The following MRC2 variants were observed in gnomAD, a reference collection of about 807,000 sequenced individuals.
MRC2 encodes mannose receptor C-type 2, also known as C-type mannose receptor 2.
In MRC2, 84 loss-of-function variants were observed where a neutral mutation model predicts 206.2. The ratio of observed to expected loss-of-function variants is 0.41; its 90% CI spans 0.34 to 0.49. The LOEUF is 0.49. Among genes scored for constraint, MRC2 ranks in the 20% least tolerant of loss-of-function variants. The pLI, the probability that MRC2 is intolerant of heterozygous loss-of-function variation, is 0.31. For missense variants in MRC2, 1,676 were observed against 2,001.5 expected, an observed-to-expected ratio of 0.84 and a Z score of 3.10; for synonymous variants, 798 against 800.0, an observed-to-expected ratio of 1.00 and a Z score of 0.04.
intron 1 of MRC2, among the ~76,000 whole-genome samples, chr17:62,639,808 C>T (rs1196898721): frequency 6.6e-6 from 1 of 151,952 alleles, no homozygotes; most frequent in Non-Finnish European, 1.5e-5. Flanking sequence ...AATTGGAAAC[C>T]ACATGATGGA....
Position 62,667,405 on chromosome 17 carries a change from CCA to C in MRC2, c.990_991del (p.Ser331Ter). ...CTCCCCACAGACCAGCCGGACAACC[CCA>C]GTGAGGAGAACTGTGGAGTGATCCG... On this transcript the variant is annotated frameshift_variant, in exon 6 of 30. Coordinates refer to ENST00000303375, the MANE Select transcript of MRC2 (RefSeq NM_006039.5). LOFTEE classifies it high-confidence loss of function. The surrounding 1 kb of genome is among the most constrained non-coding windows in gnomAD (Gnocchi z 4.1). The C allele has an allele frequency of 6.2e-7, 1 of 1,605,016 alleles. No individual in the cohort carries two copies. The highest frequency in any genetic ancestry group is 8.5e-7 in the Non-Finnish European group (1 of 1,177,076).
At chr17:62,668,193 C>A (rs1248726395) in intron 6 of MRC2, among the ~76,000 whole-genome samples, 1 of 151,620 alleles carries the variant, frequency 6.6e-6, no homozygotes, top group Non-Finnish European at 1.5e-5. Flanking sequence ...CCTGTCTCTG[C>A]AAAATATTTT....
chr17:62,648,729 T>C (rs2088520438), intron 1 of MRC2, among the ~76,000 whole-genome samples: 1 of 152,110 alleles, frequency 6.6e-6, no homozygotes, highest in East Asian at 1.9e-4. Context: ...GGACTTTGCA[T>C]CTGGACCGTG....
rs374193002 is a variant in MRC2, at chr17:62,689,538, G to A, written c.3351G>A (p.Pro1117=). 117 of 1,580,422 alleles carry A rather than the reference G, an allele frequency of 7.4e-5. 2 individuals are homozygous for A. The African/African-American group carries it at 1.2e-3, about 16-fold the overall frequency. The part of the protein sequence containing the change: ...CQKGTDPSLS[P]SPAALPPAPG... ...TCCCTGTAGACCCCTCCCTGAGCCC[G>A]TCCCCAGCAGCGCTGCCCCCCGCCC... Residue 1117 remains proline (P), a synonymous_variant, in exon 24 of 30, where the codon CCG becomes CCA. Coordinates refer to ENST00000303375, the MANE Select transcript of MRC2 (RefSeq NM_006039.5).
chr17:62,634,274 A>T (rs910159727), intron 1 of MRC2, among the ~76,000 whole-genome samples: 1 of 152,104 alleles, frequency 6.6e-6, no homozygotes, highest in Admixed American at 6.6e-5. Flanking sequence ...ATTAGTGTAT[A>T]AAAAAATGGG....
At position 62,680,339 on chromosome 17, in the gene MRC2, A is replaced by G. The variant is rs1045799486; in HGVS notation, c.2437+31A>G. Reference sequence around the variant, plus strand: ...CCGGAGTGGCGCTGGGGGACGCGGGATGGAGCGAAGGGTGGCGGGGCCAGG... The same window carrying G: ...CCGGAGTGGCGCTGGGGGACGCGGGGTGGAGCGAAGGGTGGCGGGGCCAGG... On this transcript the variant is annotated intron_variant, in intron 15 of 29. Coordinates refer to ENST00000303375, the MANE Select transcript of MRC2 (RefSeq NM_006039.5). This position sits in a 1 kb window ranked among gnomAD's most constrained non-coding sequence, Gnocchi z 4.8. 7 of 1,613,240 alleles carry G rather than the reference A, an allele frequency of 4.3e-6. No homozygotes were observed. The highest frequency in any genetic ancestry group is 1.7e-5 in the Admixed American group (1 of 59,986).
intron 2 of MRC2, among the ~76,000 whole-genome samples, chr17:62,665,414 A>AC (rs2088739541): frequency 9.4e-6 from 1 of 106,044 alleles, no homozygotes; most frequent in African/African-American, 5.8e-5. Context: ...CCCCCCCCAC[A>AC]AAAAAAAAAA....
intron 1 of MRC2, among the ~76,000 whole-genome samples, chr17:62,631,811 C>G (rs1459555763): frequency 6.6e-6 from 1 of 152,188 alleles, no homozygotes; most frequent in Non-Finnish European, 1.5e-5. Context: ...GGCACTCCAG[C>G]TTCCCTGAGG....
chr17:62,684,004 A>G (rs2147486858), intron 20 of MRC2: 1 of 152,326 alleles, frequency 6.6e-6, no homozygotes, highest in Admixed American at 6.5e-5. Context: ...AAGGGTCCAT[A>G]TTTTGCGTAG....
chr17:62,681,183 G>C (rs1381171475), intron 18 of MRC2, 54 bp downstream of exon 18: 1 of 1,584,990 alleles, frequency 6.3e-7, no homozygotes, highest in Non-Finnish European at 8.6e-7. Context: ...TCCACACACG[G>C]AGCACAGAGG....
chr17:62,641,315 GAAAAAAA>G (rs536367162), intron 1 of MRC2, among the ~76,000 whole-genome samples: 6 of 84,416 alleles, frequency 7.1e-5, no homozygotes, highest in Admixed American at 1.4e-4. Context: ...GACTGTCTCA[GAAAAAAA>G]AAAAAAAAAA....
rs554434125 is a variant in MRC2, at chr17:62,636,674, G to A, written c.118+8754G>A. ...TTTTTAGTAGAGACGGGGTTTCACC[G>A]TGTTAGCCAGGATGGTCTCAACCTC... On this transcript the variant is annotated intron_variant, in intron 1 of 29. Coordinates refer to ENST00000303375, the MANE Select transcript of MRC2 (RefSeq NM_006039.5). 2.1e-3 allele frequency among the ~76,000 whole-genome samples: 322 copies of A among 151,886 alleles called. 3 individuals are homozygous for A. The highest frequency in any genetic ancestry group is 7.3e-3 in the African/African-American group (302 of 41,436).
chr17:62,628,071 C>A (rs1412611564), intron 1 of MRC2, 151 bp downstream of exon 1: 3 of 524,448 alleles, frequency 5.7e-6, no homozygotes, highest in Non-Finnish European at 9.1e-6. Flanking sequence ...AACTCGTCTC[C>A]GCTTTTCTGA....
rs1456598083 is a variant in MRC2, at chr17:62,691,004, C to T, written c.4068C>T (p.Pro1356=). Residue 1356 remains proline (P), a synonymous_variant, in exon 28 of 30, where the codon CCC becomes CCT. Transcript: ENST00000303375. The stretch of plus-strand genomic sequence containing the variant: ...CTGTGAACTACTCCAACTGGGGGCC[C>T]CCGGGCTTGGGCCCCAGCATGCTGA... ...NTAVNYSNWG[P]PGLGPSMLSH... 1.2e-6 allele frequency: 2 copies of T among 1,609,330 alleles called. No individual in the cohort carries two copies. Among genetic ancestry groups the T allele is most frequent in the Non-Finnish European group, 8.5e-7 (1 of 1,178,624 alleles).
chr17:62,668,590 G>A (rs1283309402), intron 6 of MRC2, among the ~76,000 whole-genome samples: 2 of 152,144 alleles, frequency 1.3e-5, no homozygotes, highest in East Asian at 3.9e-4. Context: ...ATCCTCAGAT[G>A]ATTCATGTGC....
In MRC2 at chr17:62,681,892, C is replaced by T. The variant is rs761139672; in HGVS notation, c.2758C>T (p.Pro920Ser). 1 of 1,613,854 alleles carries T rather than the reference C, an allele frequency of 6.2e-7. No individual in the cohort carries two copies. Among genetic ancestry groups the T allele is most frequent in the Non-Finnish European group, 8.5e-7 (1 of 1,179,994 alleles). Reference protein sequence around the residue: ...FISWAPGKPRPVGKDKKCVYM... With the variant: ...FISWAPGKPRSVGKDKKCVYM... ...CTCCTGGGCACCAGGCAAACCTCGG[C>T]CTGTCGGCAAGGACAAGAAGTGCGT... is the stretch of plus-strand genomic sequence containing the variant. The change falls in exon 19 of 30, where the codon CCT (proline) becomes TCT (serine). Residue 920 changes from proline (P) to serine (S), a missense_variant. By Grantham distance (74) the Pro-to-Ser change is moderately conservative. This residue lies in a region of MRC2 where 1,354 missense variants were observed against 1,636.6 expected (regional missense o/e 0.83). Coordinates refer to ENST00000303375, the MANE Select transcript of MRC2 (RefSeq NM_006039.5).
chr17:62,668,793 C>T (rs936314095), intron 6 of MRC2, among the ~76,000 whole-genome samples: 9 of 152,012 alleles, frequency 5.9e-5, no homozygotes, highest in Non-Finnish European at 8.8e-5. Flanking sequence ...TTAGGGGCCT[C>T]GTGGAGGAGT....
chr17:62,664,509 A>G lies in MRC2; in HGVS notation c.119-39A>G. 1.3e-6 allele frequency: 2 copies of G among 1,569,578 alleles called. No individual in the cohort carries two copies. The highest frequency in any genetic ancestry group is 2.4e-5 in the South Asian group (2 of 82,812). ...CCGGTCATCAAGGGCCAACCAGGAG[A>G]GCCCCTGTGATGCCTTCGTGTCTTG... On this transcript the variant is annotated intron_variant, in intron 1 of 29. Coordinates refer to ENST00000303375, the MANE Select transcript of MRC2 (RefSeq NM_006039.5). This position sits in a 1 kb window ranked among gnomAD's most constrained non-coding sequence, Gnocchi z 4.7.
At chr17:62,678,707 G>A (rs116368770) in intron 13 of MRC2, 61 bp downstream of exon 13, 9 of 1,573,884 alleles carry the variant, frequency 5.7e-6, no homozygotes, top group Non-Finnish European at 7.7e-6. Flanking sequence ...AGCAGGCATG[G>A]CCGACAGACC....
Sources: gnomAD v4.1 joint callset for allele counts (sites outside exome capture counted in the v4.1 genomes callset) on GRCh38, gnomAD v4.1.1 for gene constraint, gnomAD v4.1.1 regional missense constraint, Gnocchi (gnomAD v3.1) non-coding constraint, MANE v1.5 for transcripts, NCBI Gene and HGNC (gene_info 2026-07-23, HGNC 2026-07-21) for gene names.